The following DMD variants were observed in gnomAD, a reference collection of about 807,000 sequenced individuals.
DMD encodes dystrophin.
Under a neutral mutation model 330.1 loss-of-function variants are expected in DMD, and 63 were observed. That is an observed-to-expected ratio of 0.19 (90% CI 0.16 to 0.24). DMD has a LOEUF of 0.24. DMD is among the 10% of genes least tolerant of loss of function. DMD has a pLI of 1.00. For missense variants in DMD, 3,344 were observed against 2,684.1 expected (o/e 1.25, Z -5.43); for synonymous variants, 1,223 against 959.8 (o/e 1.27, Z -5.07).
intron 47 of DMD, among the ~76,000 whole-genome samples, chrX:31,927,977 A>G (rs1156866394): frequency 8.9e-6 from 1 of 112,065 alleles, no homozygotes; most frequent in Non-Finnish European, 1.9e-5. Flanking sequence ...AGCCAAGGCA[A>G]TCTTGAATAG....
At chrX:32,679,902 CTTTTTTT>C (rs766270656) in intron 9 of DMD, among the ~76,000 whole-genome samples, 16 of 23,597 alleles carry the variant, frequency 6.8e-4, no homozygotes, top group African/African-American at 1.8e-3. Flanking sequence ...AATATTTGTA[CTTTTTTT>C]TTTTTTTTTT....
chrX:31,910,411 T>C (rs1025497076), intron 47 of DMD, among the ~76,000 whole-genome samples: 3 of 112,256 alleles, frequency 2.7e-5, no homozygotes, highest in African/African-American at 9.7e-5. Context: ...CAGTAAGTTA[T>C]TAATAAATAT....
At chrX:32,974,966 T>C (rs1373461898) in intron 2 of DMD, among the ~76,000 whole-genome samples, 2 of 111,957 alleles carry the variant, frequency 1.8e-5, no homozygotes, top group African/African-American at 6.5e-5. Flanking sequence ...AGAGGATAAA[T>C]GAAGCTAGAA....
At chrX:32,831,649 C>CGT (rs6151283) in intron 4 of DMD, among the ~76,000 whole-genome samples, 3,442 of 89,643 alleles carry the variant, frequency 0.038, 90 homozygotes, top group African/African-American at 0.065. Context: ...AAGATATTTA[C>CGT]GTGTGTGTGT....
chrX:32,046,142 A>G (rs1350209599), intron 44 of DMD, among the ~76,000 whole-genome samples: 1 of 112,734 alleles, frequency 8.9e-6, no homozygotes, highest in Non-Finnish European at 1.9e-5. Flanking sequence ...ATCATTAAAC[A>G]AATAGAAATT....
At chrX:33,138,339 GC>G (rs1297089016) in intron 1 of DMD, among the ~76,000 whole-genome samples, 1 of 111,596 alleles carries the variant, frequency 9.0e-6, no homozygotes, top group African/African-American at 3.3e-5. Flanking sequence ...AAATGACGTG[GC>G]CTGATCACTC....
chrX:33,167,516 T>G (rs2049115226), intron 1 of DMD, among the ~76,000 whole-genome samples: 1 of 111,261 alleles, frequency 9.0e-6, no homozygotes, highest in Admixed American at 9.7e-5. Flanking sequence ...ACCCAGAATT[T>G]TTTTTTACTT....
intron 23 of DMD, among the ~76,000 whole-genome samples, chrX:32,465,752 A>G (rs1029496654): frequency 9.2e-6 from 1 of 109,270 alleles, no homozygotes; most frequent in Non-Finnish European, 1.9e-5. Context: ...TGCCCAGCTA[A>G]TTTTTGTGTT....
intron 1 of DMD, among the ~76,000 whole-genome samples, chrX:33,101,802 C>T (rs1371862227): frequency 9.0e-6 from 1 of 111,715 alleles, no homozygotes; most frequent in Non-Finnish European, 1.9e-5. Flanking sequence ...TGGTAAATGA[C>T]ATTTTTTCTC....
At chrX:32,460,718 G>A (rs1013982945) in intron 25 of DMD, among the ~76,000 whole-genome samples, 10 of 110,617 alleles carry the variant, frequency 9.0e-5, no homozygotes, top group African/African-American at 2.6e-4. Flanking sequence ...CTACTACTCG[G>A]GTATCAGCTT....
chrX:32,730,964 G>A (rs975894695), intron 7 of DMD, among the ~76,000 whole-genome samples: 2 of 111,886 alleles, frequency 1.8e-5, no homozygotes, highest in South Asian at 3.7e-4. Flanking sequence ...GAGCGACGCA[G>A]AAGACGGGTG....
chrX:32,717,770 G>A (rs2065881094), intron 7 of DMD, among the ~76,000 whole-genome samples: 1 of 111,481 alleles, frequency 9.0e-6, no homozygotes, highest in East Asian at 2.8e-4. Context: ...ACACCCTGCT[G>A]AGCCACAGGG....
chrX:32,568,958 C>T (rs1259928229), intron 15 of DMD, among the ~76,000 whole-genome samples: 1 of 112,066 alleles, frequency 8.9e-6, no homozygotes. Context: ...TTCTACATAT[C>T]AATAATTAAC....
chrX:32,947,169 T>A (rs912588139), intron 2 of DMD, among the ~76,000 whole-genome samples: 1 of 112,147 alleles, frequency 8.9e-6, no homozygotes, highest in African/African-American at 3.2e-5. Context: ...TATACACCAA[T>A]ACTTATGAGG....
chrX:33,090,125 T>C (rs772603845), intron 1 of DMD, among the ~76,000 whole-genome samples: 10 of 111,191 alleles, frequency 9.0e-5, no homozygotes, highest in African/African-American at 1.3e-4. Context: ...TGATTTTTTT[T>C]CAGTCAATCT....
chrX:32,459,440 C>T (rs1313833662), intron 25 of DMD, among the ~76,000 whole-genome samples: 1 of 111,069 alleles, frequency 9.0e-6, no homozygotes, highest in Non-Finnish European at 1.9e-5. Flanking sequence ...GAAATCTTCT[C>T]AATAGGCAAG....
intron 55 of DMD, among the ~76,000 whole-genome samples, chrX:31,522,363 C>CTCTCTCTATATATATATA: frequency 1.8e-3 from 63 of 35,952 alleles, no homozygotes; most frequent in African/African-American, 3.2e-3. Flanking sequence ...CTCTCTCTCT[C>CTCTCTCTATATATATATA]TATATATATA....
At chrX:31,869,423 T>A (rs890286951) in intron 48 of DMD, among the ~76,000 whole-genome samples, 1 of 99,984 alleles carries the variant, frequency 1.0e-5, no homozygotes, top group Middle Eastern at 5.1e-3. Context: ...TTTTTTTTTT[T>A]ACCTACCTGT....
At chrX:31,932,720 C>T (rs1321341248) in intron 45 of DMD, among the ~76,000 whole-genome samples, 3 of 111,830 alleles carry the variant, frequency 2.7e-5, no homozygotes, top group Non-Finnish European at 5.6e-5. Context: ...CACTCCACCC[C>T]GGGCAACAGA....
Sources: allele counts gnomAD v4.1 joint callset (sites outside exome capture counted in the v4.1 genomes callset), GRCh38; gene constraint gnomAD v4.1.1; transcripts MANE v1.5; gene names NCBI Gene and HGNC (gene_info 2026-07-23, HGNC 2026-07-21).